Variants in NXPE2 observed in about 807,000 individuals in gnomAD.
NXPE2 encodes neurexophilin and PC-esterase domain family member 2, also known as NXPE family member 2.
Under a neutral mutation model 34.4 loss-of-function variants are expected in NXPE2, and 34 were observed. The observed-to-expected ratio is 0.99, with a 90% CI of 0.75 to 1.31. NXPE2 has a LOEUF of 1.31. Among genes scored for constraint, NXPE2 ranks in the 40% most tolerant of loss-of-function variants. The probability of loss-of-function intolerance (pLI) is 0.00; values close to 1 mark genes in which losing one functional copy is unlikely to be tolerated. For missense variants in NXPE2, 649 were observed against 672.5 expected, an observed-to-expected ratio of 0.97 and a Z score of 0.39; for synonymous variants, 235 against 231.3, an observed-to-expected ratio of 1.02 and a Z score of -0.15.
chr11:114,508,196 A>T, the NXPE2 span, among the ~76,000 whole-genome samples: 1 of 152,216 alleles, frequency 6.6e-6, no homozygotes, highest in Non-Finnish European at 1.5e-5. Flanking sequence ...AGGGAGGTGA[A>T]AGATCTCTAT....
the NXPE2 span, among the ~76,000 whole-genome samples, chr11:114,633,397 ATAT>A: frequency 1.4e-5 from 2 of 144,764 alleles, no homozygotes; most frequent in African/African-American, 5.0e-5. Flanking sequence ...TATATATTAT[ATAT>A]TATATTTTAT....
chr11:114,582,956 G>T, the NXPE2 span: 2 of 1,614,104 alleles, frequency 1.2e-6, no homozygotes, highest in Non-Finnish European at 1.7e-6. Flanking sequence ...GTGTTTTAGG[G>T]AATAAGGACT....
chr11:114,566,372 G>A, the NXPE2 span, among the ~76,000 whole-genome samples: 1 of 152,130 alleles, frequency 6.6e-6, no homozygotes, highest in African/African-American at 2.4e-5. Context: ...AGTGACCAAG[G>A]AAGCAGGAGG....
the NXPE2 span, chr11:114,530,240 G>A: frequency 6.2e-7 from 1 of 1,613,706 alleles, no homozygotes; most frequent in Non-Finnish European, 8.5e-7. Flanking sequence ...TGGTCATGTA[G>A]GTCAGAGCCT....
the NXPE2 span, among the ~76,000 whole-genome samples, chr11:114,736,679 C>T: frequency 0.86 from 125,053 of 145,678 alleles, 52,816 homozygotes; most frequent in East Asian, 0.94. Flanking sequence ...GATTAAGAGA[C>T]TAAAGTAAAG....
the NXPE2 span, among the ~76,000 whole-genome samples, chr11:114,631,832 T>A: frequency 6.6e-6 from 1 of 151,438 alleles, no homozygotes; most frequent in Non-Finnish European, 1.5e-5. Flanking sequence ...GGGTAACCGA[T>A]GTTACCCGGT....
chr11:114,535,358 A>G, the NXPE2 span, among the ~76,000 whole-genome samples: 1 of 152,220 alleles, frequency 6.6e-6, no homozygotes, highest in Admixed American at 6.5e-5. Flanking sequence ...CAAGGCTAGG[A>G]AGAAACTACA....
rs776818725 is a variant in NXPE2 at position 114,698,575 on chromosome 11, C to A, written c.663C>A (p.Ala221=). 2 of 1,614,048 alleles carry A rather than the reference C, an allele frequency of 1.2e-6. No individual in the cohort carries two copies. Among genetic ancestry groups the A allele is most frequent in the Non-Finnish European group, 1.7e-6 (2 of 1,180,022 alleles). ...CDRIIFTGLF[A]NRSSNVFTEC... ...GGATCATCTTCACTGGCCTGTTTGCCAACAGAAGCTCCAATGTCTTCACTG... is the reference window on the plus strand; with the variant it reads ...GGATCATCTTCACTGGCCTGTTTGCAAACAGAAGCTCCAATGTCTTCACTG... The change falls in exon 3 of 6, where the codon GCC becomes GCA. Residue 221 remains alanine, a synonymous_variant. Transcript: ENST00000389586.
At chr11:114,749,509 T>C in the NXPE2 span, among the ~76,000 whole-genome samples, 1 of 152,104 alleles carries the variant, frequency 6.6e-6, no homozygotes, top group Non-Finnish European at 1.5e-5. Context: ...GCCTCCCATA[T>C]CCACCTGCTG....
the NXPE2 span, among the ~76,000 whole-genome samples, chr11:114,638,703 G>T: frequency 6.6e-6 from 1 of 152,062 alleles, no homozygotes; most frequent in Non-Finnish European, 1.5e-5. Flanking sequence ...TCAGCTGCAG[G>T]TCTGTTGGTG....
At chr11:114,529,817 C>T in the NXPE2 span, 1 of 213,464 alleles carries the variant, frequency 4.7e-6, no homozygotes, top group Non-Finnish European at 9.4e-6. Flanking sequence ...CAGCACTGTG[C>T]GTGGGGGGAA....
At chr11:114,587,909 T>A in the NXPE2 span, among the ~76,000 whole-genome samples, 13,152 of 152,212 alleles carry the variant, frequency 0.086, 681 homozygotes, top group Middle Eastern at 0.2. Context: ...TCTTGAACCA[T>A]CCTGGCCTGC....
At chr11:114,655,310 CA>C in the NXPE2 span, among the ~76,000 whole-genome samples, 1 of 152,148 alleles carries the variant, frequency 6.6e-6, no homozygotes, top group Non-Finnish European at 1.5e-5. Flanking sequence ...TTTTGCTGTG[CA>C]AAAACTCTTT....
At chr11:114,589,423 T>C in the NXPE2 span, among the ~76,000 whole-genome samples, 6 of 152,118 alleles carry the variant, frequency 3.9e-5, no homozygotes, top group African/African-American at 1.4e-4. Flanking sequence ...TCCCATAGCA[T>C]GAGGGGTGTG....
At chr11:114,741,623 CA>C in the NXPE2 span, among the ~76,000 whole-genome samples, 1 of 152,060 alleles carries the variant, frequency 6.6e-6, no homozygotes, top group Non-Finnish European at 1.5e-5. Flanking sequence ...TTTTCTATTT[CA>C]TTCATTATAT....
At chr11:114,692,639 T>A (rs1178262314) in intron 2 of NXPE2, among the ~76,000 whole-genome samples, 5 of 152,198 alleles carry the variant, frequency 3.3e-5, no homozygotes, top group Admixed American at 2.6e-4. Context: ...ACTGTTTCCT[T>A]GCATCCATGA....
chr11:114,629,369 C>A, the NXPE2 span, among the ~76,000 whole-genome samples: 1 of 151,936 alleles, frequency 6.6e-6, no homozygotes, highest in South Asian at 2.1e-4. Context: ...GTTCAATATA[C>A]ACAAATCAAT....
the NXPE2 span, among the ~76,000 whole-genome samples, chr11:114,603,098 T>G: frequency 6.6e-6 from 1 of 151,922 alleles, no homozygotes; most frequent in East Asian, 1.9e-4. Flanking sequence ...ATAATTATTG[T>G]CTTGTCTCAT....
At chr11:114,590,982 G>C in the NXPE2 span, among the ~76,000 whole-genome samples, 1 of 152,156 alleles carries the variant, frequency 6.6e-6, no homozygotes, top group African/African-American at 2.4e-5. Context: ...TCCTCCCCAA[G>C]AAAACTGGGG....
Sources: gnomAD v4.1 joint callset for allele counts (sites outside exome capture counted in the v4.1 genomes callset) on GRCh38, gnomAD v4.1.1 for gene constraint, MANE v1.5 for transcripts, NCBI Gene and HGNC (gene_info 2026-07-23, HGNC 2026-07-21) for gene names.